SMARCA2: variants seen among roughly 807,000 people sequenced by gnomAD.
SMARCA2 encodes the protein SWI/SNF-related matrix-associated actin-dependent regulator of chromatin subfamily A member 2.
Under a neutral mutation model 199.8 loss-of-function variants are expected in SMARCA2, and 61 were observed. That is an observed-to-expected ratio of 0.31 (90% CI 0.25 to 0.38). The LOEUF (loss-of-function observed/expected upper bound fraction) is 0.38. SMARCA2 is among the 10% of genes least tolerant of loss of function. SMARCA2 has a pLI of 1.00. For synonymous variants in SMARCA2, 935 were observed against 732.0 expected (o/e 1.28, Z -4.48); for missense variants, 1,344 against 2,012.2 (o/e 0.67, Z 6.35).
chr9:2,029,162 G>A lies in SMARCA2; in HGVS notation c.140G>A (p.Ser47Asn). 6.2e-7 allele frequency: 1 copy of A among 1,613,246 alleles called. No individual in the cohort carries two copies. Among genetic ancestry groups the A allele is most frequent in the East Asian group, 2.2e-5 (1 of 44,878 alleles). The change falls in exon 2 of 34, where the codon AGT (serine) becomes AAT (asparagine). Residue 47 changes from serine (S) to asparagine (N), a missense_variant. By Grantham distance (46) the Ser-to-Asn change is conservative (BLOSUM62 1). Transcript: ENST00000349721. ...PGSVHSMMGP[S>N]PGPPSVSHPM... ...TCCGTCCACAGCATGATGGGGCCAA[G>A]TCCTGGACCTCCAAGTGTCTCCCAT...
rs901274386 is a variant in SMARCA2, at chr9:2,115,041, CT to C, written c.3457-774del. 2.1e-3 allele frequency among the ~76,000 whole-genome samples: 317 copies of C among 151,570 alleles called. No individual in the cohort carries two copies. Among genetic ancestry groups the C allele is most frequent in the African/African-American group, 4.9e-3 (204 of 41,300 alleles). On this transcript the variant is annotated intron_variant, in intron 24 of 33. Transcript: ENST00000349721. The surrounding 1 kb of genome is among the most constrained non-coding windows in gnomAD (Gnocchi z 6.0). ...ACTAATTCAGTATTGTTGAATGTTT[CT>C]TTTTTTAAAAAAAAAGCCATTAGAG...
At chr9:2,172,944 A>G (rs1470958845) in intron 29 of SMARCA2, among the ~76,000 whole-genome samples, 1 of 152,184 alleles carries the variant, frequency 6.6e-6, no homozygotes, top group East Asian at 1.9e-4. Context: ...CATTAGGAGA[A>G]TGTTGTCTGG....
rs940170278 is a variant in SMARCA2, at chr9:2,110,588, C to T, written c.3456+171C>T. Among the ~76,000 whole-genome samples the T allele has an allele frequency of 6.6e-6, 1 of 152,216 alleles. No individual in the cohort carries two copies. Among genetic ancestry groups the T allele is most frequent in the African/African-American group, 2.4e-5 (1 of 41,448 alleles). ...TCTTATCTCCCTTAGAGCATAGATA[C>T]GAGGTCCCACATATGCCTTTGAAGA... On this transcript the variant is annotated intron_variant, in intron 24 of 33. Coordinates refer to ENST00000349721, the MANE Select transcript of SMARCA2 (RefSeq NM_003070.5). The surrounding 1 kb of genome is among the most constrained non-coding windows in gnomAD (Gnocchi z 4.8).
intron 27 of SMARCA2, among the ~76,000 whole-genome samples, chr9:2,140,037 G>C (rs938925347): frequency 6.6e-5 from 10 of 152,196 alleles, no homozygotes; most frequent in African/African-American, 2.4e-4. Flanking sequence ...AACTATGTCA[G>C]ATTTCTCTTA....
chr9:2,070,174 T>C (rs1385171053), intron 9 of SMARCA2, among the ~76,000 whole-genome samples: 2 of 152,226 alleles, frequency 1.3e-5, no homozygotes, highest in Non-Finnish European at 2.9e-5. Flanking sequence ...GAAGACACAA[T>C]CTACAAATCT....
chr9:2,052,753 A>T (rs999321961), intron 5 of SMARCA2, among the ~76,000 whole-genome samples: 1 of 152,124 alleles, frequency 6.6e-6, no homozygotes, highest in Non-Finnish European at 1.5e-5. Flanking sequence ...GGGCTATATG[A>T]AGTATTAGAT....
intron 1 of SMARCA2, among the ~76,000 whole-genome samples, chr9:2,026,454 G>T (rs1818834759): frequency 6.6e-6 from 1 of 152,118 alleles, no homozygotes; most frequent in Non-Finnish European, 1.5e-5. Context: ...GCATTTTTAT[G>T]GGACTATGTA....
intron 4 of SMARCA2, chr9:2,041,413 T>G (rs553683696): frequency 1.8e-5 from 7 of 398,596 alleles, no homozygotes; most frequent in African/African-American, 1.2e-4. Flanking sequence ...CATAGATGGC[T>G]TCCTTCTCAC....
At chr9:2,144,592 T>G (rs1824629198) in intron 27 of SMARCA2, among the ~76,000 whole-genome samples, 1 of 152,170 alleles carries the variant, frequency 6.6e-6, no homozygotes, top group South Asian at 2.1e-4. Context: ...CATCAGTAGT[T>G]AGGAGCTGCT....
At chr9:2,019,590 G>C (rs1458835328) in intron 1 of SMARCA2, among the ~76,000 whole-genome samples, 1 of 151,486 alleles carries the variant, frequency 6.6e-6, no homozygotes, top group South Asian at 2.1e-4. Flanking sequence ...ACTAGAAAGT[G>C]ACACTTGTGC....
At chr9:2,188,668 C>G (rs926852223) in intron 32 of SMARCA2, among the ~76,000 whole-genome samples, 34 of 152,108 alleles carry the variant, frequency 2.2e-4, no homozygotes, top group Admixed American at 8.5e-4. Flanking sequence ...AACAAATTAC[C>G]ACAAACTTAG....
intron 19 of SMARCA2, among the ~76,000 whole-genome samples, chr9:2,095,991 T>A (rs919111838): frequency 5.3e-5 from 8 of 152,170 alleles, no homozygotes; most frequent in Non-Finnish European, 1.2e-4. Context: ...TCCCCTTAAC[T>A]TTTTAAAATT....
At chr9:2,124,324 T>C (rs1045091779) in intron 27 of SMARCA2, among the ~76,000 whole-genome samples, 4 of 152,230 alleles carry the variant, frequency 2.6e-5, no homozygotes, top group African/African-American at 4.8e-5. Context: ...TCTTTGTAAT[T>C]GTTCCCCCTC....
chr9:2,084,865 C>T (rs1821733137), intron 17 of SMARCA2, among the ~76,000 whole-genome samples: 2 of 152,124 alleles, frequency 1.3e-5, no homozygotes, highest in African/African-American at 4.8e-5. Context: ...TTTTTACTCC[C>T]ATTTATATCA....
chr9:2,141,942 G>A (rs190260684), intron 27 of SMARCA2, among the ~76,000 whole-genome samples: 10 of 152,240 alleles, frequency 6.6e-5, no homozygotes, highest in Middle Eastern at 3.4e-3. Flanking sequence ...GAGGACTTAC[G>A]CAGAATTGAA....
At chr9:2,032,783 T>G (rs184660277) in intron 2 of SMARCA2, 169 bp from the exon 3 acceptor site, 143 of 530,420 alleles carry the variant, frequency 2.7e-4, no homozygotes, top group African/African-American at 2.5e-3. Flanking sequence ...AACATTTGAC[T>G]TACAGATAGT....
intron 27 of SMARCA2, among the ~76,000 whole-genome samples, chr9:2,146,637 T>A (rs1824764173): frequency 1.3e-5 from 2 of 152,236 alleles, no homozygotes; most frequent in South Asian, 4.1e-4. Flanking sequence ...GGATAAAGAA[T>A]GGCTACTCCA....
rs570213917 is a variant in SMARCA2, at chr9:2,077,520, A to G, written c.2037-109A>G. Reference sequence around the variant, plus strand: ...ATGGCAAGTCGTGGTTGATAAATAAAACACACTTATTGCAGCTATTTTAGG... The same window carrying G: ...ATGGCAAGTCGTGGTTGATAAATAAGACACACTTATTGCAGCTATTTTAGG... On this transcript the variant is annotated intron_variant, in intron 13 of 33. Coordinates refer to ENST00000349721, the MANE Select transcript of SMARCA2 (RefSeq NM_003070.5). 8.8e-4 allele frequency: 942 copies of G among 1,067,896 alleles called. 2 individuals carry two copies. Among genetic ancestry groups the G allele is most frequent in the Non-Finnish European group, 1.1e-3 (800 of 714,988 alleles). The allele number at this position is 1,067,896 out of a possible 1,614,324, so 66.2% of individuals were successfully genotyped here.
chr9:2,094,736 A>C (rs1048770030), intron 19 of SMARCA2, among the ~76,000 whole-genome samples: 1 of 152,224 alleles, frequency 6.6e-6, no homozygotes, highest in South Asian at 2.1e-4. Flanking sequence ...AAATGTGGCT[A>C]TCCCAGTACA....
Sources: allele counts gnomAD v4.1 joint callset (sites outside exome capture counted in the v4.1 genomes callset), GRCh38; gene constraint gnomAD v4.1.1; non-coding constraint Gnocchi (gnomAD v3.1); transcripts MANE v1.5; gene names NCBI Gene and HGNC (gene_info 2026-07-23, HGNC 2026-07-21).